The following RP1 variants were observed in gnomAD, a reference collection of about 807,000 sequenced individuals.
RP1 encodes oxygen-regulated protein 1.
RP1 carries 16 observed loss-of-function variants against 14.8 expected under a neutral mutation model. That is an observed-to-expected ratio of 1.08 (90% CI 0.73 to 1.65). RP1 has a LOEUF of 1.65. Among genes scored for constraint, RP1 ranks in the 40% most tolerant of loss-of-function variants. RP1 has a pLI of 0.00. For missense variants in RP1, 2,631 were observed against 2,535.0 expected (o/e 1.04, Z -0.81); for synonymous variants, 876 against 883.6 (o/e 0.99, Z 0.15).
intron 24 of RP1, among the ~76,000 whole-genome samples, chr8:54,831,942 A>G (rs573609245): frequency 3.3e-5 from 5 of 151,896 alleles, no homozygotes; most frequent in East Asian, 3.9e-4. Context: ...CAGTTTGACA[A>G]TGTTCATTTG....
chr8:54,821,226 T>C (rs1179389736), intron 24 of RP1, among the ~76,000 whole-genome samples: 1 of 152,128 alleles, frequency 6.6e-6, no homozygotes, highest in Non-Finnish European at 1.5e-5. Flanking sequence ...ATCAAAAATA[T>C]GATTGCAACA....
intron 17 of RP1, among the ~76,000 whole-genome samples, chr8:54,731,780 G>A (rs1808800430): frequency 6.6e-6 from 1 of 152,020 alleles, no homozygotes; most frequent in Non-Finnish European, 1.5e-5. Context: ...ATTCATGCAC[G>A]GACATGGAAA....
intron 1 of RP1, among the ~76,000 whole-genome samples, chr8:54,579,850 C>T (rs983534504): frequency 5.3e-5 from 8 of 152,164 alleles, no homozygotes; most frequent in African/African-American, 1.9e-4. Context: ...CAGAATCAGC[C>T]TGCACACGGG....
intron 21 of RP1, among the ~76,000 whole-genome samples, chr8:54,758,381 A>T (rs960357705): frequency 2.0e-5 from 3 of 151,640 alleles, no homozygotes. Context: ...CTCTTTTACA[A>T]CAAACCCAAG....
intron 24 of RP1, among the ~76,000 whole-genome samples, chr8:54,796,709 A>C (rs143609376): frequency 6.6e-5 from 10 of 152,272 alleles, no homozygotes; most frequent in African/African-American, 2.2e-4. Flanking sequence ...TCTCAGAGGG[A>C]GTATGGCCTC....
intron 15 of RP1, among the ~76,000 whole-genome samples, chr8:54,715,884 A>G (rs575335506): frequency 6.6e-6 from 1 of 152,362 alleles, no homozygotes; most frequent in Non-Finnish European, 1.5e-5. Flanking sequence ...AAAGGGGAAA[A>G]GAAGAACGTA....
chr8:54,790,562 T>C (rs1810438586), intron 24 of RP1, among the ~76,000 whole-genome samples: 1 of 114,494 alleles, frequency 8.7e-6, no homozygotes, highest in Non-Finnish European at 1.7e-5. Flanking sequence ...TTCAGTGAAC[T>C]TCAAAAAAAA....
At chr8:54,834,670 T>C (rs1428862298) in intron 24 of RP1, among the ~76,000 whole-genome samples, 2 of 138,260 alleles carry the variant, frequency 1.4e-5, no homozygotes, top group African/African-American at 2.6e-5. Flanking sequence ...GTCTATGCTT[T>C]GGGAGTTTTT....
At chr8:54,855,604 A>T (rs75289926) in intron 26 of RP1, among the ~76,000 whole-genome samples, 8,790 of 152,218 alleles carry the variant, frequency 0.058, 359 homozygotes, top group East Asian at 0.19. Context: ...CTGGCAAAAG[A>T]CTTGTTTGCA....
intron 26 of RP1, among the ~76,000 whole-genome samples, chr8:54,853,790 AAG>A (rs1262081187): frequency 1.6e-5 from 2 of 127,082 alleles, no homozygotes; most frequent in Admixed American, 7.4e-5. Flanking sequence ...AAGAGAAAGA[AAG>A]AGAGAGAGAA....
At chr8:54,585,141 G>A (rs2129298390) in intron 1 of RP1, among the ~76,000 whole-genome samples, 1 of 152,068 alleles carries the variant, frequency 6.6e-6, no homozygotes. Flanking sequence ...GTTGGTACCG[G>A]TTGTTTCCAT....
At chr8:54,774,543 G>A (rs1292483500), downstream of RP1, among the ~76,000 whole-genome samples, 3 of 152,198 alleles carry the variant, frequency 2.0e-5, no homozygotes, top group Non-Finnish European at 4.4e-5. Context: ...CTTTGGCACA[G>A]GCATGTCAGG....
In RP1 at chr8:54,625,992, A is replaced by C; in HGVS notation, c.2110A>C (p.Thr704Pro). ...TCTTAATAAGAATGAGAGAATAAACACAAAAGGTAGAATTACAAAGGAAAT... is the reference window on the plus strand; with the variant it reads ...TCTTAATAAGAATGAGAGAATAAACCCAAAAGGTAGAATTACAAAGGAAAT... ...GILNKNERIN[T>P]KGRITKEMIV... Residue 704 changes from threonine (T) to proline (P), a missense_variant, in exon 4 of 4, where the codon ACA (threonine) becomes CCA (proline). Thr to Pro is a conservative substitution (Grantham distance 38). Coordinates refer to ENST00000220676, the MANE Select transcript of RP1 (RefSeq NM_006269.2). The C allele has an allele frequency of 6.2e-7, 1 of 1,614,038 alleles. No homozygotes were observed. Among genetic ancestry groups the C allele is most frequent in the Admixed American group, 1.7e-5 (1 of 60,024 alleles).
At chr8:54,715,639 G>A (rs1808385538) in intron 15 of RP1, among the ~76,000 whole-genome samples, 1 of 152,108 alleles carries the variant, frequency 6.6e-6, no homozygotes, top group Non-Finnish European at 1.5e-5. Flanking sequence ...GAGCAGAGTG[G>A]GTGAGTAGAA....
chr8:54,752,308 T>C (rs1274446453), intron 19 of RP1, among the ~76,000 whole-genome samples: 1 of 152,136 alleles, frequency 6.6e-6, no homozygotes, highest in Admixed American at 6.6e-5. Context: ...GTAAGAAAGT[T>C]TTACCCTATG....
At chr8:54,704,609 T>C (rs1808104982) in intron 14 of RP1, among the ~76,000 whole-genome samples, 2 of 152,168 alleles carry the variant, frequency 1.3e-5, no homozygotes, top group Admixed American at 1.3e-4. Context: ...TGATGTAGGG[T>C]TCTCACAAAC....
chr8:54,698,472 A>G (rs1045574809), intron 12 of RP1, among the ~76,000 whole-genome samples: 11 of 152,238 alleles, frequency 7.2e-5, no homozygotes, highest in African/African-American at 2.7e-4. Context: ...TGTGGAAGAC[A>G]GTGTGGTGAT....
downstream of RP1, among the ~76,000 whole-genome samples, chr8:54,634,540 C>T (rs190717947): frequency 6.6e-6 from 1 of 152,252 alleles, no homozygotes; most frequent in African/African-American, 2.4e-5. Context: ...CTTTTTTGTC[C>T]ATTTCAAGGT....
At chr8:54,827,007 G>T (rs528266901) in intron 24 of RP1, among the ~76,000 whole-genome samples, 1 of 152,318 alleles carries the variant, frequency 6.6e-6, no homozygotes, top group South Asian at 2.1e-4. Flanking sequence ...TCTAAACAGA[G>T]AAAAGGTACA....
Sources: gnomAD v4.1 joint callset for allele counts (sites outside exome capture counted in the v4.1 genomes callset) on GRCh38, gnomAD v4.1.1 for gene constraint, MANE v1.5 for transcripts, NCBI Gene and HGNC (gene_info 2026-07-23, HGNC 2026-07-21) for gene names.